ARHGEF33: variants seen among roughly 807,000 people sequenced by gnomAD.
The protein encoded by ARHGEF33 is Rho guanine nucleotide exchange factor 33.
A neutral mutation model predicts 101.9 loss-of-function variants in ARHGEF33; 72 were observed. The ratio of observed to expected loss-of-function variants is 0.71; its 90% confidence interval spans 0.58 to 0.86. The LOEUF (loss-of-function observed/expected upper bound fraction) is 0.86, where lower values mean the gene tolerates loss of function less well. ARHGEF33 is among the 40% of genes least tolerant of loss of function. ARHGEF33 has a pLI of 0.00. For missense variants in ARHGEF33, 1,169 were observed against 1,111.3 expected (o/e 1.05, Z -0.74); for synonymous variants, 499 against 442.5 (o/e 1.13, Z -1.60).
intron 12 of ARHGEF33, among the ~76,000 whole-genome samples, chr2:38,953,889 G>C (rs1421402111): frequency 6.6e-6 from 1 of 152,232 alleles, no homozygotes; most frequent in Non-Finnish European, 1.5e-5. Context: ...GGAAAGAGAA[G>C]AGAAGGAAAA....
intron 2 of ARHGEF33, among the ~76,000 whole-genome samples, chr2:38,900,778 A>G (rs754843282): frequency 6.6e-5 from 10 of 152,212 alleles, no homozygotes; most frequent in Non-Finnish European, 1.5e-4. Context: ...GACAGAGCTG[A>G]ATCAAGATAC....
intron 2 of ARHGEF33, among the ~76,000 whole-genome samples, chr2:38,906,477 A>G (rs1465416703): frequency 2.0e-5 from 3 of 152,148 alleles, no homozygotes; most frequent in African/African-American, 2.4e-5. Context: ...AACTTTTCAG[A>G]TGTGGTAAAA....
intron 9 of ARHGEF33, among the ~76,000 whole-genome samples, chr2:38,938,306 G>A (rs560348766): frequency 6.6e-6 from 1 of 152,216 alleles, no homozygotes; most frequent in African/African-American, 2.4e-5. Context: ...GAGGACAGGT[G>A]GGAGGATCCA....
chr2:38,951,428 G>T (rs1019213696), intron 11 of ARHGEF33, among the ~76,000 whole-genome samples: 1 of 152,016 alleles, frequency 6.6e-6, no homozygotes. Context: ...TACGCATGTC[G>T]ATGTGTGTAT....
rs528909376 is a variant in ARHGEF33, at chr2:38,901,706, C to T, written c.-86+5857C>T. ...GTTCCAGAGACTAAGCCAGCAGACT[C>T]GGAGAGGGTAAATAATTTTCCCAAG... On this transcript the variant is annotated intron_variant, in intron 2 of 17. Coordinates refer to ENST00000409978, the MANE Select transcript of ARHGEF33 (RefSeq NM_001145451.5). Among the ~76,000 whole-genome samples, 5 of 152,300 alleles carry T rather than the reference C, an allele frequency of 3.3e-5. No individual in the cohort carries two copies. The South Asian group carries it at 8.3e-4, about 25-fold the overall frequency.
At position 38,950,773 on chromosome 2, in the gene ARHGEF33, C is replaced by A. The variant is rs146598581; in HGVS notation, c.921-216C>A. Among the ~76,000 whole-genome samples the A allele has an allele frequency of 1.9e-4, 29 of 152,244 alleles. 1 individual carries two copies. The East Asian group carries it at 5.6e-3, about 29-fold the overall frequency. On this transcript the variant is annotated intron_variant, in intron 10 of 17. Coordinates refer to ENST00000409978, the MANE Select transcript of ARHGEF33 (RefSeq NM_001145451.5). The stretch of plus-strand genomic sequence containing the variant: ...GTTCAATACACATTTGTATAGAAGC[C>A]ATTAGTAAAGGTTTTTTTTGTTTTG...
intron 1 of ARHGEF33, among the ~76,000 whole-genome samples, chr2:38,894,731 T>C (rs935791830): frequency 6.6e-6 from 1 of 152,208 alleles, no homozygotes; most frequent in Non-Finnish European, 1.5e-5. Context: ...GGTCACTCAG[T>C]GTTTCTACTT....
chr2:38,910,179 C>G (rs979048714), intron 2 of ARHGEF33, among the ~76,000 whole-genome samples: 4 of 152,106 alleles, frequency 2.6e-5, no homozygotes, highest in African/African-American at 4.8e-5. Context: ...ATATTTTCTG[C>G]AGATAGTTGT....
intron 1 of ARHGEF33, among the ~76,000 whole-genome samples, chr2:38,892,343 G>A (rs761624653): frequency 3.3e-5 from 5 of 152,134 alleles, no homozygotes; most frequent in African/African-American, 7.2e-5. Flanking sequence ...TCTCCTCCTC[G>A]TAATTTTCAC....
intron 4 of ARHGEF33, among the ~76,000 whole-genome samples, chr2:38,922,831 G>A (rs1666791264): frequency 1.3e-5 from 2 of 152,148 alleles, no homozygotes; most frequent in Admixed American, 1.3e-4. Flanking sequence ...GGTACTTAAG[G>A]ACAAGTTGAT....
At chr2:38,898,517 G>GA (rs1212126827) in intron 2 of ARHGEF33, among the ~76,000 whole-genome samples, 1 of 152,186 alleles carries the variant, frequency 6.6e-6, no homozygotes, top group Non-Finnish European at 1.5e-5. Flanking sequence ...GCAGGAAAGA[G>GA]AAAGAGGGTA....
At chr2:38,959,304 T>C (rs1366231338) in intron 15 of ARHGEF33, 1 of 152,274 alleles carries the variant, frequency 6.6e-6, no homozygotes, top group African/African-American at 2.4e-5. Context: ...TGACAAGGAA[T>C]ATTTTAAAAT....
At chr2:38,941,867 GT>G (rs1433988827) in intron 9 of ARHGEF33, among the ~76,000 whole-genome samples, 2 of 151,614 alleles carry the variant, frequency 1.3e-5, no homozygotes, top group East Asian at 3.9e-4. Context: ...TTTCTATCTG[GT>G]AACTTTTAGG....
intron 2 of ARHGEF33, among the ~76,000 whole-genome samples, chr2:38,901,439 AT>A: frequency 6.6e-6 from 1 of 152,274 alleles, no homozygotes; most frequent in Non-Finnish European, 1.5e-5. Flanking sequence ...GGAGCGCTCC[AT>A]TCTGAGGGCT....
intron 2 of ARHGEF33, among the ~76,000 whole-genome samples, chr2:38,915,278 G>A (rs1395885676): frequency 6.6e-6 from 1 of 151,948 alleles, no homozygotes; most frequent in Non-Finnish European, 1.5e-5. Context: ...ATATTAACAG[G>A]CAATACAAAC....
intron 2 of ARHGEF33, among the ~76,000 whole-genome samples, chr2:38,908,039 A>AG (rs576512930): frequency 8.2e-4 from 125 of 151,682 alleles, no homozygotes; most frequent in Non-Finnish European, 1.5e-3. Context: ...AAAAAAAAAA[A>AG]CTTTTTGTAA....
chr2:38,906,408 A>G (rs1332245764), intron 2 of ARHGEF33, among the ~76,000 whole-genome samples: 1 of 152,138 alleles, frequency 6.6e-6, no homozygotes, highest in Non-Finnish European at 1.5e-5. Context: ...TAGCAAAACC[A>G]GCCCCAGCAT....
intron 2 of ARHGEF33, among the ~76,000 whole-genome samples, chr2:38,903,241 A>G (rs1558423282): frequency 6.7e-6 from 1 of 149,650 alleles, no homozygotes; most frequent in Non-Finnish European, 1.5e-5. Context: ...TAGTACATTA[A>G]AAAAAACTAT....
rs1341719199 is a variant in ARHGEF33, at chr2:38,958,236, C to A, written c.1535+38C>A. The A allele has an allele frequency of 1.9e-6, 3 of 1,548,628 alleles. No homozygotes were observed. In the South Asian group the frequency reaches 3.6e-5, roughly 18 times the overall value. ...TGCTGTGGGAAGGTTAATGCCAATG[C>A]CTTTGGGACCCAGCCAGTCTGTGCG... On this transcript the variant is annotated intron_variant, in intron 15 of 17. Coordinates refer to ENST00000409978, the MANE Select transcript of ARHGEF33 (RefSeq NM_001145451.5).
Sources: gnomAD v4.1 joint callset for allele counts (sites outside exome capture counted in the v4.1 genomes callset) on GRCh38, gnomAD v4.1.1 for gene constraint, MANE v1.5 for transcripts, NCBI Gene and HGNC (gene_info 2026-07-23, HGNC 2026-07-21) for gene names.